Variants in CABLES2 observed in about 807,000 individuals in gnomAD.
The protein encoded by CABLES2 is Cdk5 and Abl enzyme substrate 2.
A neutral mutation model predicts 44.8 loss-of-function variants in CABLES2; 35 were observed. The observed-to-expected ratio is 0.78, with a 90% CI of 0.60 to 1.04. CABLES2 has a LOEUF of 1.04. CABLES2 is among the 50% of genes least tolerant of loss of function. The pLI, the probability that CABLES2 is intolerant of heterozygous loss-of-function variation, is 0.00. For synonymous variants in CABLES2, 282 were observed against 281.1 expected, an observed-to-expected ratio of 1.00 and a Z score of -0.03; for missense variants, 566 against 615.7, an observed-to-expected ratio of 0.92 and a Z score of 0.85.
At chr20:62,392,545 G>T in intron 7 of CABLES2, 50 bp from the exon 8 acceptor site, 1 of 1,301,288 alleles carries the variant, frequency 7.7e-7, no homozygotes. Flanking sequence ...ACAGTCCATG[G>T]GTCCTGCCTG....
rs1161706888 is a variant in CABLES2, at chr20:62,398,139, ATGG to A, written c.363-1550_363-1548del. Among the ~76,000 whole-genome samples the A allele has an allele frequency of 7.0e-3, 317 of 45,506 alleles. 12 individuals are homozygous for A. The highest frequency in any genetic ancestry group is 0.018 in the African/African-American group (213 of 11,566). 29.9% of individuals were successfully genotyped at this position (45,506 alleles called of 152,430 possible). On this transcript the variant is annotated intron_variant, in intron 1 of 9. Coordinates refer to ENST00000279101, the MANE Select transcript of CABLES2 (RefSeq NM_031215.3). ...GGTGGTGGTGGTTATGACGGTGGTGATGGTGGTGGTGGTGGTGACGGTGATGGT... is the reference window on the plus strand; with the variant it reads ...GGTGGTGGTGGTTATGACGGTGGTGATGGTGGTGGTGGTGACGGTGATGGT...
Position 62,392,378 on chromosome 20 carries a change from G to A in CABLES2, c.1091+11C>T. 1 of 1,594,102 alleles carries A rather than the reference G, an allele frequency of 6.3e-7. No individual in the cohort carries two copies. Among genetic ancestry groups the A allele is most frequent in the Non-Finnish European group, 8.6e-7 (1 of 1,161,874 alleles). On this transcript the variant is annotated intron_variant, in intron 8 of 9. Transcript: ENST00000279101. ...CCAGGACGATGAGATGGTCTGAGAG[G>A]GTGTCCTCACCTCCTGATTTTGCTC... is the stretch of plus-strand genomic sequence containing the variant.
intron 1 of CABLES2, 80 bp downstream of exon 1, chr20:62,406,835 C>A (rs1039244326): frequency 1.4e-4 from 111 of 821,252 alleles, no homozygotes; most frequent in Non-Finnish European, 1.7e-4. Context: ...AATCCTGACC[C>A]CTAGTCCTGG....
In CABLES2 at chr20:62,389,853, C is replaced by T. The variant is rs566626451; in HGVS notation, c.*1118G>A. On this transcript the variant is annotated 3_prime_UTR_variant, in exon 10 of 10. Coordinates refer to ENST00000279101, the MANE Select transcript of CABLES2 (RefSeq NM_031215.3). Reference sequence around the variant, plus strand: ...CTGGCCTGCACAGAAGGGACAACGACCACCATTTGGGGTCCTTTTAGCATG... The same window carrying T: ...CTGGCCTGCACAGAAGGGACAACGATCACCATTTGGGGTCCTTTTAGCATG... 6.6e-6 allele frequency: 1 copy of T among 152,350 alleles called. No homozygotes were observed. Among genetic ancestry groups the T allele is most frequent in the African/African-American group, 2.4e-5 (1 of 41,582 alleles). The allele number at this position is 152,350 out of a possible 1,614,324, so 9.4% of individuals were successfully genotyped here. A position where few individuals can be genotyped will look rare whatever the true frequency, so the allele number is the denominator to read the frequency against.
At position 62,394,116 on chromosome 20, in the gene CABLES2, C is replaced by T. The variant is rs778841859; in HGVS notation, c.714+41G>A. 4.6e-6 allele frequency: 7 copies of T among 1,536,566 alleles called. No homozygotes were observed. The South Asian group carries it at 5.6e-5, about 12-fold the overall frequency. Reference sequence around the variant, plus strand: ...GGACTGCTCCCACCCGCCTGCCTGGCCCTGACGGCGCTGGGTGTCCACCAG... The same window carrying T: ...GGACTGCTCCCACCCGCCTGCCTGGTCCTGACGGCGCTGGGTGTCCACCAG... On this transcript the variant is annotated intron_variant, in intron 5 of 9. Coordinates refer to ENST00000279101, the MANE Select transcript of CABLES2 (RefSeq NM_031215.3).
At position 62,394,918 on chromosome 20, in the gene CABLES2, G is replaced by T; in HGVS notation, c.605+19C>A. 2 of 1,609,476 alleles carry T rather than the reference G, an allele frequency of 1.2e-6. No homozygotes were observed. The highest frequency in any genetic ancestry group is 1.7e-4 in the Middle Eastern group (1 of 5,970). ...TGCCTAGATGGACACCGCATGCGAG[G>T]CAAGCGCTGAGTACTCACCTGATCC... On this transcript the variant is annotated intron_variant, in intron 4 of 9. Coordinates refer to ENST00000279101, the MANE Select transcript of CABLES2 (RefSeq NM_031215.3).
intron 1 of CABLES2, among the ~76,000 whole-genome samples, chr20:62,399,593 C>CTT (rs71195455): frequency 0.068 from 7,282 of 107,602 alleles, 578 homozygotes; most frequent in Middle Eastern, 0.15. Context: ...GGGTCAGGTC[C>CTT]TTTTTTTTTT....
intron 1 of CABLES2, among the ~76,000 whole-genome samples, chr20:62,398,377 G>T (rs1339913831): frequency 2.6e-5 from 4 of 152,032 alleles, no homozygotes; most frequent in Non-Finnish European, 5.9e-5. Context: ...TGGTGGTAAT[G>T]GTGATGGGGC....
At chr20:62,397,923 A>G (rs1215048810) in intron 1 of CABLES2, among the ~76,000 whole-genome samples, 967 of 85,784 alleles carry the variant, frequency 0.011, 56 homozygotes, top group African/African-American at 0.048. Context: ...GGCAGTGGTG[A>G]TGGTGGTGGT....
intron 4 of CABLES2, 60 bp downstream of exon 4, chr20:62,394,877 A>C (rs906826656): frequency 5.3e-6 from 8 of 1,498,686 alleles, no homozygotes; most frequent in Non-Finnish European, 7.3e-6. Flanking sequence ...CCTGGCCGAG[A>C]CCAGGCCTTG....
At chr20:62,398,102 G>GGTGGTGGTGACA (rs1988089514) in intron 1 of CABLES2, among the ~76,000 whole-genome samples, 1 of 142,836 alleles carries the variant, frequency 7.0e-6, no homozygotes, top group African/African-American at 2.7e-5. Context: ...TGGTGGTGGT[G>GGTGGTGGTGACA]GTGATGGTGG....
rs752396358 is a variant in CABLES2 at position 62,390,869 on chromosome 20, A to T, written c.*102T>A. ...CGGAGGCCAGGTGCCTCCTGCTAGC[A>T]GGTGCTGGGGGTGCTGGCAGGAGGA... On this transcript the variant is annotated 3_prime_UTR_variant, in exon 10 of 10. Transcript: ENST00000279101. The T allele has an allele frequency of 4.8e-5, 68 of 1,416,628 alleles. No individual in the cohort carries two copies. The highest frequency in any genetic ancestry group is 5.7e-5 in the Non-Finnish European group (59 of 1,028,704). 87.8% of individuals were successfully genotyped at this position (1,416,628 alleles called of 1,614,324 possible).
At position 62,393,489 on chromosome 20, in the gene CABLES2, T is replaced by C. The variant is rs762968244; in HGVS notation, c.831A>G (p.Ser277=). 6.2e-7 allele frequency: 1 copy of C among 1,613,242 alleles called. No homozygotes were observed. The highest frequency in any genetic ancestry group is 1.7e-5 in the Admixed American group (1 of 59,912). The change falls in exon 6 of 10, where the codon TCA becomes TCG. Residue 277 remains serine, a synonymous_variant. Transcript: ENST00000279101. ...RPSVPRTLPG[S]RHKPAPTKSA... is the part of the protein sequence containing the mutation. The stretch of plus-strand genomic sequence containing the variant: ...ACTTGGTGGGGGCAGGTTTATGTCT[T>C]GACCCTGGCAGAGTCCGGGGGACAC...
chr20:62,391,554 G>C lies in CABLES2; in HGVS notation c.1092-101C>G. 1.6e-6 allele frequency: 2 copies of C among 1,249,298 alleles called. No homozygotes were observed. The highest frequency in any genetic ancestry group is 2.3e-6 in the Non-Finnish European group (2 of 864,924). 77.4% of individuals were successfully genotyped at this position (1,249,298 alleles called of 1,614,324 possible). ...CCGAGGCTGGAGCGATGTAGCTTTG[G>C]GCCGCAAGAAACACCACCGCATCCT... On this transcript the variant is annotated intron_variant, in intron 8 of 9. Coordinates refer to ENST00000279101, the MANE Select transcript of CABLES2 (RefSeq NM_031215.3). This position sits in a 1 kb window ranked among gnomAD's most constrained non-coding sequence, Gnocchi z 5.7.
chr20:62,407,185 G>T lies in CABLES2; in HGVS notation c.92C>A (p.Ala31Asp). The change falls in exon 1 of 10, where the codon GCC (alanine) becomes GAC (aspartate). Residue 31 changes from alanine to aspartate, a missense_variant. Physicochemically the swap from Ala to Asp is moderately radical, Grantham distance 126. Transcript: ENST00000279101. ...GCGCCTCCGCAGCGCCTGCGGCGGG[G>T]CCCGAGCGGCCGAGGTCGGCGCGGC... Reference protein sequence around the residue: ...PPAAPTSAARAPPQALRRRGD... With the variant: ...PPAAPTSAARDPPQALRRRGD... 1.0e-6 allele frequency: 1 copy of T among 990,478 alleles called. No homozygotes were observed. Among genetic ancestry groups the T allele is most frequent in the Non-Finnish European group, 1.2e-6 (1 of 834,666 alleles). The allele number at this position is 990,478 out of a possible 1,614,324, so 61.4% of individuals were successfully genotyped here. A position where few individuals can be genotyped will look rare whatever the true frequency, so the allele number is the denominator to read the frequency against.
chr20:62,390,865 TA>T lies in CABLES2; in HGVS notation c.*105del, dbSNP rs1408090473. On this transcript the variant is annotated 3_prime_UTR_variant, in exon 10 of 10. Transcript: ENST00000279101. The stretch of plus-strand genomic sequence containing the variant: ...CCAGCGGAGGCCAGGTGCCTCCTGC[TA>T]GCAGGTGCTGGGGGTGCTGGCAGGA... The T allele has an allele frequency of 7.2e-7, 1 of 1,385,102 alleles. No individual in the cohort carries two copies. The highest frequency in any genetic ancestry group is 1.0e-6 in the Non-Finnish European group (1 of 1,002,566). The allele number at this position is 1,385,102 out of a possible 1,614,324, so 85.8% of individuals were successfully genotyped here.
intron 7 of CABLES2, among the ~76,000 whole-genome samples, 190 bp from the exon 8 acceptor site, chr20:62,392,685 G>C (rs1437726277): frequency 6.6e-6 from 1 of 152,210 alleles, no homozygotes; most frequent in Non-Finnish European, 1.5e-5. Context: ...TGCTTGGTGT[G>C]GGGAGAGCCA....
At chr20:62,392,599 C>G (rs1018687543) in intron 7 of CABLES2, 104 bp from the exon 8 acceptor site, 3 of 868,666 alleles carry the variant, frequency 3.5e-6, no homozygotes, top group Non-Finnish European at 5.8e-6. Flanking sequence ...TGCAAACATG[C>G]ATACGGTGTG....
chr20:62,406,554 G>A (rs1340342151), intron 1 of CABLES2, among the ~76,000 whole-genome samples: 6 of 116,880 alleles, frequency 5.1e-5, no homozygotes, highest in Non-Finnish European at 1.1e-4. Flanking sequence ...AGGGCCTGAG[G>A]AAACCCTCAG....
Sources: allele counts gnomAD v4.1 joint callset (sites outside exome capture counted in the v4.1 genomes callset), GRCh38; gene constraint gnomAD v4.1.1; non-coding constraint Gnocchi (gnomAD v3.1); transcripts MANE v1.5; gene names NCBI Gene and HGNC (gene_info 2026-07-23, HGNC 2026-07-21).